The following C16orf74 variants were observed in gnomAD, a reference collection of about 807,000 sequenced individuals.
C16orf74 encodes the protein uncharacterized protein C16orf74.
A neutral mutation model predicts 6.5 loss-of-function variants in C16orf74; 10 were observed. That is an observed-to-expected ratio of 1.54 (90% CI 0.95 to 2.61). C16orf74 has a LOEUF of 2.61. Ranked by LOEUF, C16orf74 falls within the 30% of genes most tolerant of loss-of-function variation. C16orf74 has a pLI of 0.00. For synonymous variants in C16orf74, 60 were observed against 42.5 expected (o/e 1.41, Z -1.60); for missense variants, 141 against 105.9 (o/e 1.33, Z -1.45).
chr16:85,714,622 A>G (rs1435320662), intron 2 of C16orf74, among the ~76,000 whole-genome samples: 2 of 150,604 alleles, frequency 1.3e-5, no homozygotes, highest in Non-Finnish European at 3.0e-5. Context: ...GTTTCACCAT[A>G]TTGGCCAGGC....
intron 1 of C16orf74, 38 bp from the exon 2 acceptor site, chr16:85,735,273 C>A: frequency 6.6e-7 from 1 of 1,506,258 alleles, no homozygotes; most frequent in Non-Finnish European, 9.0e-7. Flanking sequence ...GGGGAGGGCG[C>A]GACTTGTTTG....
chr16:85,735,826 G>A (rs972355318), intron 1 of C16orf74, among the ~76,000 whole-genome samples: 1 of 152,166 alleles, frequency 6.6e-6, no homozygotes, highest in Non-Finnish European at 1.5e-5. Context: ...GGCATCCCGA[G>A]TTCTAAGCAA....
chr16:85,733,742 T>C (rs983612995), intron 2 of C16orf74, among the ~76,000 whole-genome samples: 7 of 152,062 alleles, frequency 4.6e-5, no homozygotes, highest in Non-Finnish European at 1.0e-4. Context: ...ATCTCCCCAC[T>C]CCTCTGTGGG....
chr16:85,717,969 T>G (rs1382987838), intron 2 of C16orf74, among the ~76,000 whole-genome samples: 1 of 152,192 alleles, frequency 6.6e-6, no homozygotes, highest in Non-Finnish European at 1.5e-5. Flanking sequence ...CACCATTCCC[T>G]GTGCCAGCTC....
Position 85,707,595 on chromosome 16 carries a change from A to G in C16orf74, c.*413T>C, listed in dbSNP as rs1598774964. 5.5e-6 allele frequency: 1 copy of G among 180,382 alleles called. No homozygotes were observed. The highest frequency in any genetic ancestry group is 1.1e-5 in the Non-Finnish European group (1 of 87,064). The allele number at this position is 180,382 out of a possible 1,614,324, so 11.2% of individuals were successfully genotyped here. A position where few individuals can be genotyped will look rare whatever the true frequency, so the allele number is the denominator to read the frequency against. On this transcript the variant is annotated 3_prime_UTR_variant, in exon 4 of 4. Transcript: ENST00000284245. ...TTTGGACTGTTTCCGTATCTGTAAA[A>G]CAACTTATAAAAAACAGCCACTCCA... is the stretch of plus-strand genomic sequence containing the variant.
intron 2 of C16orf74, among the ~76,000 whole-genome samples, chr16:85,713,777 G>A (rs1262370234): frequency 1.2e-5 from 1 of 81,060 alleles, no homozygotes; most frequent in Non-Finnish European, 3.5e-5. Flanking sequence ...TGAAGCCAAG[G>A]GGCTTCCCTC....
chr16:85,714,147 A>G (rs2053996288), intron 2 of C16orf74, among the ~76,000 whole-genome samples: 2 of 152,214 alleles, frequency 1.3e-5, no homozygotes, highest in African/African-American at 4.8e-5. Flanking sequence ...GCAAGGTGGT[A>G]GTGGGGGAAT....
intron 1 of C16orf74, among the ~76,000 whole-genome samples, chr16:85,739,897 T>C (rs656241): frequency 0.4 from 60,191 of 152,000 alleles, 12,265 homozygotes; most frequent in Middle Eastern, 0.51. Context: ...CTGATTATTG[T>C]ACTGTGTTCT....
chr16:85,733,883 G>A (rs959589890), intron 2 of C16orf74, among the ~76,000 whole-genome samples: 4 of 152,156 alleles, frequency 2.6e-5, no homozygotes, highest in Admixed American at 6.5e-5. Flanking sequence ...TCCGCAAGCG[G>A]TGTTGGAGGA....
intron 1 of C16orf74, among the ~76,000 whole-genome samples, chr16:85,735,757 C>CA (rs2054237957): frequency 6.6e-6 from 1 of 151,812 alleles, no homozygotes; most frequent in Non-Finnish European, 1.5e-5. Context: ...GTGGCCCCCC[C>CA]AGCCCACGGG....
At chr16:85,708,576 T>C (rs1417136472) in intron 3 of C16orf74, among the ~76,000 whole-genome samples, 1 of 152,208 alleles carries the variant, frequency 6.6e-6, no homozygotes, top group Admixed American at 6.5e-5. Context: ...GACCTGTTTG[T>C]TTCCCCATTT....
At chr16:85,742,783 C>T (rs1479539335) in intron 1 of C16orf74, among the ~76,000 whole-genome samples, 9 of 152,166 alleles carry the variant, frequency 5.9e-5, no homozygotes, top group African/African-American at 1.7e-4. Context: ...TCAGGTGATC[C>T]GCCTGCCTCA....
chr16:85,712,841 T>C (rs1193496036), intron 2 of C16orf74, among the ~76,000 whole-genome samples: 1 of 152,168 alleles, frequency 6.6e-6, no homozygotes, highest in Non-Finnish European at 1.5e-5. Context: ...TCTTGCCTGA[T>C]AGGAGAGTCT....
chr16:85,748,943 T>TTA (rs1555589865), intron 1 of C16orf74, among the ~76,000 whole-genome samples: 5,138 of 144,240 alleles, frequency 0.036, 305 homozygotes, highest in African/African-American at 0.12. Flanking sequence ...TTTTTTTTTT[T>TTA]TTTTATTTTA....
At chr16:85,723,457 C>T (rs192746479) in intron 2 of C16orf74, among the ~76,000 whole-genome samples, 19 of 151,716 alleles carry the variant, frequency 1.3e-4, no homozygotes, top group African/African-American at 4.4e-4. Context: ...GAAGCATGAA[C>T]TTCTCCTGAG....
At chr16:85,712,787 T>G (rs1320061201) in intron 2 of C16orf74, among the ~76,000 whole-genome samples, 2 of 152,264 alleles carry the variant, frequency 1.3e-5, no homozygotes, top group East Asian at 3.8e-4. Flanking sequence ...AGGTCTGGTC[T>G]CTGTCCGCGG....
intron 2 of C16orf74, among the ~76,000 whole-genome samples, chr16:85,717,666 C>G (rs1196526664): frequency 6.6e-6 from 1 of 152,232 alleles, no homozygotes; most frequent in African/African-American, 2.4e-5. Context: ...CTGGGCTGAG[C>G]CTGCCATTTG....
intron 2 of C16orf74, among the ~76,000 whole-genome samples, chr16:85,711,599 G>C (rs992519298): frequency 7.4e-5 from 11 of 148,520 alleles, no homozygotes; most frequent in Non-Finnish European, 1.6e-4. Flanking sequence ...CTCCAGCCTG[G>C]GCAACAAGAG....
At chr16:85,722,939 G>A (rs967311702) in intron 2 of C16orf74, among the ~76,000 whole-genome samples, 7 of 152,162 alleles carry the variant, frequency 4.6e-5, no homozygotes, top group African/African-American at 7.2e-5. Context: ...TGGAAGACAC[G>A]GAGGCGAAAA....
Sources: gnomAD v4.1 joint callset for allele counts (sites outside exome capture counted in the v4.1 genomes callset) on GRCh38, gnomAD v4.1.1 for gene constraint, MANE v1.5 for transcripts, NCBI Gene and HGNC (gene_info 2026-07-23, HGNC 2026-07-21) for gene names.